Variants in LRIF1 observed in about 807,000 individuals in gnomAD.
LRIF1 encodes ligand dependent nuclear receptor interacting factor 1, also known as ligand-dependent nuclear receptor-interacting factor 1.
Under a neutral mutation model 52.7 loss-of-function variants are expected in LRIF1, and 32 were observed. That is an observed-to-expected ratio of 0.61 (90% confidence interval 0.46 to 0.82). The LOEUF (loss-of-function observed/expected upper bound fraction) is 0.82, where lower values mean the gene tolerates loss of function less well. Ranked by LOEUF, LRIF1 falls within the 40% of genes least tolerant of loss-of-function variation. LRIF1 has a pLI of 0.00. For synonymous variants in LRIF1, 323 were observed against 317.4 expected, an observed-to-expected ratio of 1.02 and a Z score of -0.19; for missense variants, 887 against 892.0, an observed-to-expected ratio of 0.99 and a Z score of 0.07.
At chr1:110,895,434 C>A in the LRIF1 span, among the ~76,000 whole-genome samples, 3 of 152,272 alleles carry the variant, frequency 2.0e-5, no homozygotes, top group East Asian at 5.8e-4. Flanking sequence ...TGTTACCTAG[C>A]CCACCAACAT....
chr1:110,944,550 G>A (rs1294186150), downstream of LRIF1: 1 of 152,204 alleles, frequency 6.6e-6, no homozygotes, highest in Non-Finnish European at 1.5e-5. Flanking sequence ...GTCCTCAGGT[G>A]TTTTAATGTA....
At chr1:110,902,517 A>AAACAAAAAAAAAAAAAAAAAAAAAAAG in the LRIF1 span, among the ~76,000 whole-genome samples, 1 of 104,696 alleles carries the variant, frequency 9.6e-6, no homozygotes, top group Non-Finnish European at 2.1e-5. Flanking sequence ...AAAAAAAAAA[A>AAACAAAAAAAAAAAAAAAAAAAAAAAG]AAAGAAATAC....
the LRIF1 span, among the ~76,000 whole-genome samples, chr1:110,888,265 G>A: frequency 1.3e-5 from 2 of 152,228 alleles, no homozygotes; most frequent in Non-Finnish European, 2.9e-5. Context: ...ATAGGAAACT[G>A]ATGCAAGCAC....
Position 110,952,473 on chromosome 1 carries a change from ACT to A in LRIF1, c.409_410del (p.His138TrpfsTer5). On this transcript the variant is annotated frameshift_variant, in exon 2 of 4. Transcript: ENST00000369763. LOFTEE classifies it high-confidence loss of function. ...TGAGTCCATCAATTTTCACACCATGACTCTGAACTTTAGAAACTGATGAAGAA... is the reference window on the plus strand; with the variant it reads ...TGAGTCCATCAATTTTCACACCATGACTGAACTTTAGAAACTGATGAAGAA... Reference protein sequence around the residue: ...NFSSSVSKVQSHGVKIDGLTM... With the variant: ...NFSSSVSKVQXHGVKIDGLTM... The A allele has an allele frequency of 6.2e-7, 1 of 1,613,186 alleles. No individual in the cohort carries two copies. The highest frequency in any genetic ancestry group is 8.5e-7 in the Non-Finnish European group (1 of 1,179,228).
the LRIF1 span, among the ~76,000 whole-genome samples, chr1:110,886,869 A>ATATATATATT: frequency 0.012 from 1,000 of 82,692 alleles, 8 homozygotes; most frequent in East Asian, 0.016. Context: ...ATATATATAT[A>ATATATATATT]TTTTTTTTTT....
At chr1:110,941,387 A>G in the LRIF1 span, 2 of 152,038 alleles carry the variant, frequency 1.3e-5, no homozygotes, top group Non-Finnish European at 2.9e-5. Flanking sequence ...CTTTCTTTTA[A>G]TAAGTCTTTC....
At chr1:110,937,033 A>C in the LRIF1 span, 12 of 152,242 alleles carry the variant, frequency 7.9e-5, no homozygotes, top group East Asian at 1.7e-3. Flanking sequence ...CAGCAAGAGG[A>C]TATAACAATT....
chr1:110,954,872 T>C (rs1406416218), intron 1 of LRIF1, among the ~76,000 whole-genome samples: 1 of 152,214 alleles, frequency 6.6e-6, no homozygotes, highest in African/African-American at 2.4e-5. Flanking sequence ...ACTCATACTT[T>C]TGAATCAACT....
chr1:110,898,707 CA>C, the LRIF1 span, among the ~76,000 whole-genome samples: 152,172 of 152,172 alleles, frequency 1, 76,086 homozygotes, highest in Non-Finnish European at 1. Flanking sequence ...TTTTTCTACC[CA>C]AAGTGTTGGG....
At chr1:110,938,859 G>C in the LRIF1 span, 1 of 152,214 alleles carries the variant, frequency 6.6e-6, no homozygotes, top group South Asian at 2.1e-4. Context: ...AATCAGTAAA[G>C]TTCCAGGATA....
intron 1 of LRIF1, among the ~76,000 whole-genome samples, chr1:110,953,421 G>C (rs575055425): frequency 6.6e-6 from 1 of 152,276 alleles, no homozygotes; most frequent in African/African-American, 2.4e-5. Context: ...TTGAGGTTTA[G>C]TGCTACATAG....
chr1:110,946,320 CTATGGCA>C (rs1349877042), downstream of LRIF1, among the ~76,000 whole-genome samples: 2 of 152,116 alleles, frequency 1.3e-5, no homozygotes, highest in Non-Finnish European at 2.9e-5. Context: ...TAGTGCTTGC[CTATGGCA>C]TAAGGAGAGG....
At chr1:110,924,274 T>A in the LRIF1 span, among the ~76,000 whole-genome samples, 1 of 152,166 alleles carries the variant, frequency 6.6e-6, no homozygotes, top group East Asian at 1.9e-4. Flanking sequence ...CACTGGTGAA[T>A]TCTACAAAAT....
the LRIF1 span, among the ~76,000 whole-genome samples, chr1:110,920,797 A>G: frequency 5.8e-3 from 878 of 152,326 alleles, 12 homozygotes; most frequent in African/African-American, 0.02. Flanking sequence ...AGGCATATAT[A>G]GAAAATTCGT....
At position 110,949,900 on chromosome 1, in the gene LRIF1, C is replaced by A. The variant is rs542997630; in HGVS notation, c.1820G>T (p.Gly607Val). The change falls in exon 3 of 4, where the codon GGT becomes GTT. Residue 607 changes from glycine to valine, a missense_variant. Physicochemically the swap from Gly to Val is moderately radical, Grantham distance 109. Transcript: ENST00000369763. Reference sequence around the variant, plus strand: ...CATAAACTCTGTCTCTTTGTAAGTACCACTCTTTACCAAACTGCTAAAGGA... The same window carrying A: ...CATAAACTCTGTCTCTTTGTAAGTAACACTCTTTACCAAACTGCTAAAGGA... ...FDSFSSLVKSGTYKETEFMVK... is the reference protein window; with the variant it reads ...FDSFSSLVKSVTYKETEFMVK... The A allele has an allele frequency of 3.7e-6, 6 of 1,614,040 alleles. No homozygotes were observed. In the African/African-American group the frequency reaches 8.0e-5, roughly 22 times the overall value.
chr1:110,948,000 CTTCT>C lies in LRIF1; in HGVS notation c.2265_2268del (p.Glu756GlnfsTer27). ...TTCTTACGCATTTCTTCAAGAGCTG[CTTCT>C]TTCTCTCTCAGCACCTGCTTAAGTC... On this transcript the variant is annotated frameshift_variant, in exon 4 of 4. Coordinates refer to ENST00000369763, the MANE Select transcript of LRIF1 (RefSeq NM_018372.4). LOFTEE classifies it high-confidence loss of function. 1 of 1,596,196 alleles carries C rather than the reference CTTCT, an allele frequency of 6.3e-7. No homozygotes were observed. Among genetic ancestry groups the C allele is most frequent in the Non-Finnish European group, 8.5e-7 (1 of 1,173,124 alleles).
chr1:110,929,609 T>G, the LRIF1 span, among the ~76,000 whole-genome samples: 99,489 of 151,582 alleles, frequency 0.66, 33,455 homozygotes, highest in East Asian at 0.74. Context: ...TTTTAATGGG[T>G]TTTTTTTCTT....
the LRIF1 span, among the ~76,000 whole-genome samples, chr1:110,920,630 G>A: frequency 6.6e-6 from 1 of 152,128 alleles, no homozygotes; most frequent in African/African-American, 2.4e-5. Context: ...TATAACATTT[G>A]TCAAAACCCA....
chr1:110,924,112 C>T, the LRIF1 span, among the ~76,000 whole-genome samples: 1 of 151,854 alleles, frequency 6.6e-6, no homozygotes, highest in East Asian at 1.9e-4. Flanking sequence ...TATGACAATA[C>T]ATTAAAAGTT....
Sources: allele counts gnomAD v4.1 joint callset (sites outside exome capture counted in the v4.1 genomes callset), GRCh38; gene constraint gnomAD v4.1.1; transcripts MANE v1.5; gene names NCBI Gene and HGNC (gene_info 2026-07-23, HGNC 2026-07-21).